Variants in BMP6 observed in about 807,000 individuals in gnomAD.
The protein encoded by BMP6 is bone morphogenetic protein 6.
Under a neutral mutation model 54.1 loss-of-function variants are expected in BMP6, and 17 were observed. The ratio of observed to expected loss-of-function variants is 0.31; its 90% confidence interval spans 0.22 to 0.47. The LOEUF is 0.47. Among genes scored for constraint, BMP6 ranks in the 20% least tolerant of loss-of-function variants. The pLI, the probability that BMP6 is intolerant of heterozygous loss-of-function variation, is 1.00. For synonymous variants in BMP6, 328 were observed against 291.2 expected, an observed-to-expected ratio of 1.13 and a Z score of -1.28; for missense variants, 720 against 690.4, an observed-to-expected ratio of 1.04 and a Z score of -0.48.
chr6:7,807,712 C>G (rs1004183461), intron 1 of BMP6, among the ~76,000 whole-genome samples: 1 of 152,088 alleles, frequency 6.6e-6, no homozygotes, highest in African/African-American at 2.4e-5. Flanking sequence ...AGTTTGAAAA[C>G]CCTTGTTATG....
chr6:7,808,639 C>A (rs1376771850), intron 1 of BMP6, among the ~76,000 whole-genome samples: 3 of 152,110 alleles, frequency 2.0e-5, no homozygotes, highest in Admixed American at 6.6e-5. Flanking sequence ...TTAGGCTGGG[C>A]ACAGTGGCTC....
intron 1 of BMP6, among the ~76,000 whole-genome samples, chr6:7,733,513 C>A (rs61668994): frequency 2.6e-5 from 4 of 152,190 alleles, no homozygotes; most frequent in Admixed American, 2.0e-4. Context: ...CTGTCCCCCC[C>A]TCCCTAGGCC....
At chr6:7,775,906 G>A (rs1757855460) in intron 1 of BMP6, among the ~76,000 whole-genome samples, 2 of 152,176 alleles carry the variant, frequency 1.3e-5, no homozygotes, top group Admixed American at 1.3e-4. Context: ...AAGAAATTAT[G>A]TTTGTTTTCA....
chr6:7,879,036 A>G, intron 4 of BMP6, 38 bp from the exon 5 acceptor site: 2 of 1,583,672 alleles, frequency 1.3e-6, no homozygotes, highest in Non-Finnish European at 8.7e-7. Context: ...TGATGGGTGC[A>G]TCTTTTGATG....
At chr6:7,831,680 A>G (rs1364681287) in intron 1 of BMP6, among the ~76,000 whole-genome samples, 4 of 152,210 alleles carry the variant, frequency 2.6e-5, no homozygotes. Context: ...TTAGAATGCA[A>G]AGCAGTATGT....
intron 1 of BMP6, among the ~76,000 whole-genome samples, chr6:7,842,663 C>A (rs1758994939): frequency 6.6e-6 from 1 of 152,206 alleles, no homozygotes; most frequent in Non-Finnish European, 1.5e-5. Context: ...CTCAGAGCCA[C>A]CCGAAGGGAG....
chr6:7,859,076 T>G (rs2113273558), intron 2 of BMP6, among the ~76,000 whole-genome samples: 1 of 152,176 alleles, frequency 6.6e-6, no homozygotes, highest in East Asian at 1.9e-4. Context: ...TGCAATTGCT[T>G]CATGTCATGA....
In BMP6 at chr6:7,726,865, C is replaced by T; in HGVS notation, c.-91C>T. On this transcript the variant is annotated 5_prime_UTR_variant, in exon 1 of 7. Transcript: ENST00000283147. ...GCCCGCCGAGAGGTGGCGGGGACTG[C>T]TCACGCCAAGGGCCACAGCGGCCGC... 1.2e-6 allele frequency: 1 copy of T among 831,154 alleles called. No homozygotes were observed. The highest frequency in any genetic ancestry group is 1.5e-6 in the Non-Finnish European group (1 of 676,270). 51.5% of individuals were successfully genotyped at this position (831,154 alleles called of 1,614,324 possible).
chr6:7,738,516 G>A (rs141355812), intron 1 of BMP6, among the ~76,000 whole-genome samples: 5 of 152,200 alleles, frequency 3.3e-5, no homozygotes, highest in African/African-American at 2.4e-5. Flanking sequence ...CTGCTTGGCC[G>A]TGTAGCCCTC....
chr6:7,876,590 T>A (rs1759618488), intron 4 of BMP6, among the ~76,000 whole-genome samples: 1 of 152,250 alleles, frequency 6.6e-6, no homozygotes, highest in African/African-American at 2.4e-5. Flanking sequence ...TTGAATTCTT[T>A]AATTCTGTCT....
chr6:7,861,745 T>G, intron 3 of BMP6, 146 bp downstream of exon 3: 2 of 1,262,310 alleles, frequency 1.6e-6, no homozygotes, highest in Non-Finnish European at 2.2e-6. Context: ...TGACTTGCAT[T>G]GAGAACCAAA....
At chr6:7,738,503 G>A (rs1254660294) in intron 1 of BMP6, among the ~76,000 whole-genome samples, 3 of 152,190 alleles carry the variant, frequency 2.0e-5, no homozygotes, top group African/African-American at 7.2e-5. Flanking sequence ...GCCTCACCAC[G>A]ACCTGCTTGG....
intron 2 of BMP6, among the ~76,000 whole-genome samples, chr6:7,856,295 C>A (rs961651391): frequency 6.6e-6 from 1 of 152,022 alleles, no homozygotes; most frequent in East Asian, 1.9e-4. Context: ...TAAACATAAT[C>A]TATACTGTAC....
At chr6:7,861,210 C>T (rs1330928859) in intron 2 of BMP6, among the ~76,000 whole-genome samples, 3 of 151,726 alleles carry the variant, frequency 2.0e-5, no homozygotes, top group Non-Finnish European at 4.4e-5. Context: ...TCTGCCGTGT[C>T]GGGGTGAAAG....
At chr6:7,774,895 C>A (rs1757841502) in intron 1 of BMP6, among the ~76,000 whole-genome samples, 1 of 152,174 alleles carries the variant, frequency 6.6e-6, no homozygotes, top group African/African-American at 2.4e-5. Flanking sequence ...ATGGCACCAT[C>A]ATCTGTTTGG....
At chr6:7,869,585 T>G (rs73719353) in intron 4 of BMP6, among the ~76,000 whole-genome samples, 1,633 of 152,272 alleles carry the variant, frequency 0.011, 27 homozygotes, top group African/African-American at 0.037. Flanking sequence ...AGAGCTATTC[T>G]GCAGTTTTCA....
chr6:7,785,529 GAGA>G (rs981169681), intron 1 of BMP6, among the ~76,000 whole-genome samples: 2 of 152,180 alleles, frequency 1.3e-5, no homozygotes, highest in Non-Finnish European at 2.9e-5. Context: ...GACATAGTAG[GAGA>G]AGGAGGCACT....
intron 1 of BMP6, among the ~76,000 whole-genome samples, chr6:7,792,485 TG>T (rs1409418702): frequency 2.0e-5 from 3 of 152,212 alleles, no homozygotes; most frequent in African/African-American, 7.2e-5. Flanking sequence ...TGTCCCCCAC[TG>T]GACTGCAGGC....
chr6:7,735,218 T>C (rs543247515), intron 1 of BMP6, among the ~76,000 whole-genome samples: 1 of 152,342 alleles, frequency 6.6e-6, no homozygotes, highest in Non-Finnish European at 1.5e-5. Flanking sequence ...CCAGAACGTC[T>C]GCGTTTGTTG....
Sources: allele counts gnomAD v4.1 joint callset (sites outside exome capture counted in the v4.1 genomes callset), GRCh38; gene constraint gnomAD v4.1.1; transcripts MANE v1.5; gene names NCBI Gene and HGNC (gene_info 2026-07-23, HGNC 2026-07-21).